RALGPS1: variants seen among roughly 807,000 people sequenced by gnomAD.
RALGPS1 encodes Ral GEF with PH domain and SH3 binding motif 1, also known as ras-specific guanine nucleotide-releasing factor RalGPS1.
RALGPS1 carries 19 observed loss-of-function variants against 78.8 expected under a neutral mutation model. The ratio of observed to expected loss-of-function variants is 0.24; its 90% CI spans 0.17 to 0.35. RALGPS1 has a LOEUF of 0.35. RALGPS1 is among the 10% of genes least tolerant of loss of function. The pLI, the probability that RALGPS1 is intolerant of heterozygous loss-of-function variation, is 1.00. For missense variants in RALGPS1, 454 were observed against 688.3 expected, an observed-to-expected ratio of 0.66 and a Z score of 3.81; for synonymous variants, 228 against 256.3, an observed-to-expected ratio of 0.89 and a Z score of 1.06.
intron 1 of RALGPS1, among the ~76,000 whole-genome samples, chr9:126,942,247 A>G (rs1252724365): frequency 3.3e-5 from 5 of 150,086 alleles, no homozygotes; most frequent in African/African-American, 9.8e-5. Context: ...ATGTAGCTAA[A>G]TCTACCAGTA....
At chr9:127,055,696 C>T (rs182530634) in intron 7 of RALGPS1, among the ~76,000 whole-genome samples, 1 of 152,326 alleles carries the variant, frequency 6.6e-6, no homozygotes, top group African/African-American at 2.4e-5. Flanking sequence ...GCTCCAGAAT[C>T]CATGCTCTTA....
rs1025171463 is a variant in RALGPS1, at chr9:127,212,396, C to T, written c.1353+160C>T. On this transcript the variant is annotated intron_variant, in intron 15 of 18. Transcript: ENST00000259351. This position sits in a 1 kb window ranked among gnomAD's most constrained non-coding sequence, Gnocchi z 6.0. ...TCTCAGGAATTATACCTGACACTGC[C>T]GTAAAATGAACAAAGGGAAGGCTCC... 2.6e-5 allele frequency among the ~76,000 whole-genome samples: 4 copies of T among 152,098 alleles called. No individual in the cohort carries two copies. Among genetic ancestry groups the T allele is most frequent in the African/African-American group, 9.7e-5 (4 of 41,390 alleles).
Position 127,091,817 on chromosome 9 carries a change from CAA to C in RALGPS1, c.610+22463_610+22464del, listed in dbSNP as rs1212246712. 1.9e-6 allele frequency: 3 copies of C among 1,614,188 alleles called. No homozygotes were observed. The highest frequency in any genetic ancestry group is 2.5e-6 in the Non-Finnish European group (3 of 1,180,028). On this transcript the variant is annotated intron_variant, in intron 8 of 18. Coordinates refer to ENST00000259351, the MANE Select transcript of RALGPS1 (RefSeq NM_014636.3). The surrounding 1 kb of genome is among the most constrained non-coding windows in gnomAD (Gnocchi z 4.3). The stretch of plus-strand genomic sequence containing the variant: ...TCCAGGCGGAAACTGGCGTATTCTG[CAA>C]AGACTTTGCGGCCGGACCAGTCCTC...
intron 10 of RALGPS1, among the ~76,000 whole-genome samples, chr9:127,171,399 C>T (rs2059559212): frequency 6.6e-6 from 1 of 151,974 alleles, no homozygotes; most frequent in Non-Finnish European, 1.5e-5. Flanking sequence ...AAAAATGCTG[C>T]TCTTTAAATA....
Position 127,220,601 on chromosome 9 carries a change from T to G in RALGPS1, c.*1832T>G, listed in dbSNP as rs1464784611. The G allele has an allele frequency of 6.6e-6, 1 of 152,254 alleles. No homozygotes were observed. Among genetic ancestry groups the G allele is most frequent in the African/African-American group, 2.4e-5 (1 of 41,470 alleles). The allele number at this position is 152,254 out of a possible 1,614,324, so 9.4% of individuals were successfully genotyped here. A position where few individuals can be genotyped will look rare whatever the true frequency, so the allele number is the denominator to read the frequency against. The stretch of plus-strand genomic sequence containing the variant: ...TTGCACCTCATTCTCCCGATGACTA[T>G]TCAAATCAGCATCTAGAGGCTGAAT... On this transcript the variant is annotated 3_prime_UTR_variant, in exon 19 of 19. Transcript: ENST00000259351.
chr9:126,949,404 G>A (rs2037594497), intron 1 of RALGPS1, among the ~76,000 whole-genome samples: 1 of 152,052 alleles, frequency 6.6e-6, no homozygotes, highest in Non-Finnish European at 1.5e-5. Context: ...TTCCACAATG[G>A]TTGAACTAGT....
chr9:127,193,817 G>A (rs1489221185), intron 11 of RALGPS1, among the ~76,000 whole-genome samples: 2 of 152,130 alleles, frequency 1.3e-5, no homozygotes, highest in African/African-American at 4.8e-5. Context: ...TTCTCTGCAG[G>A]AAGCAGCTGA....
intron 3 of RALGPS1, among the ~76,000 whole-genome samples, chr9:126,975,192 A>G: frequency 6.6e-6 from 1 of 152,194 alleles, no homozygotes; most frequent in East Asian, 1.9e-4. Flanking sequence ...CTGAAACCTC[A>G]TTATGTATTT....
At chr9:127,127,667 C>T (rs2056717920) in intron 8 of RALGPS1, among the ~76,000 whole-genome samples, 1 of 152,190 alleles carries the variant, frequency 6.6e-6, no homozygotes, top group Non-Finnish European at 1.5e-5. Context: ...ATGTGCTAGA[C>T]ATTGAGCTCA....
intron 1 of RALGPS1, among the ~76,000 whole-genome samples, chr9:126,924,132 T>G (rs891879545): frequency 2.0e-5 from 3 of 152,238 alleles, no homozygotes; most frequent in South Asian, 2.1e-4. Context: ...TCCCATGAAC[T>G]GGAACATGTC....
chr9:127,139,956 G>A (rs1358004662), intron 8 of RALGPS1, among the ~76,000 whole-genome samples: 9 of 152,280 alleles, frequency 5.9e-5, no homozygotes, highest in Non-Finnish European at 1.2e-4. Flanking sequence ...CATGCCAGCC[G>A]CCATCCGCTC....
At chr9:127,073,125 C>G (rs2050346382) in intron 8 of RALGPS1, among the ~76,000 whole-genome samples, 2 of 152,086 alleles carry the variant, frequency 1.3e-5, no homozygotes, top group Non-Finnish European at 2.9e-5. Context: ...TCAAAATACA[C>G]AATACAGTGT....
intron 8 of RALGPS1, among the ~76,000 whole-genome samples, chr9:127,156,427 C>T (rs749924127): frequency 3.3e-5 from 5 of 152,120 alleles, no homozygotes; most frequent in African/African-American, 7.2e-5. Flanking sequence ...TTTTTCCACA[C>T]GCTCATCAAC....
At position 126,938,579 on chromosome 9, in the gene RALGPS1, C is replaced by T. The variant is rs905850603; in HGVS notation, c.-66+23604C>T. Reference sequence around the variant, plus strand: ...AGTGAGGTGGGTGGAAGGGGGAGGGCGTACAAGGAAGGGTGGGTTGATGGC... The same window carrying T: ...AGTGAGGTGGGTGGAAGGGGGAGGGTGTACAAGGAAGGGTGGGTTGATGGC... On this transcript the variant is annotated intron_variant, in intron 1 of 18. Coordinates refer to ENST00000259351, the MANE Select transcript of RALGPS1 (RefSeq NM_014636.3). Among the ~76,000 whole-genome samples the T allele has an allele frequency of 2.6e-5, 4 of 151,806 alleles. No homozygotes were observed. In the East Asian group the frequency reaches 5.8e-4, roughly 22 times the overall value.
intron 11 of RALGPS1, among the ~76,000 whole-genome samples, chr9:127,187,931 C>T (rs2060758734): frequency 6.6e-6 from 1 of 152,130 alleles, no homozygotes; most frequent in Non-Finnish European, 1.5e-5. Context: ...GCTTTGGCTC[C>T]AGGTCTGCAA....
intron 8 of RALGPS1, among the ~76,000 whole-genome samples, chr9:127,100,400 C>T (rs899739158): frequency 1.3e-5 from 2 of 152,212 alleles, no homozygotes; most frequent in Non-Finnish European, 2.9e-5. Context: ...GACATTGCAG[C>T]ACTACTTTCC....
At chr9:127,033,221 C>T (rs966539286) in intron 4 of RALGPS1, among the ~76,000 whole-genome samples, 7 of 152,146 alleles carry the variant, frequency 4.6e-5, no homozygotes, top group African/African-American at 1.2e-4. Context: ...GGAGGTGTCT[C>T]GGCCTCTGGC....
chr9:127,098,658 G>T (rs188352020), intron 8 of RALGPS1, among the ~76,000 whole-genome samples: 1 of 152,206 alleles, frequency 6.6e-6, no homozygotes, highest in African/African-American at 2.4e-5. Context: ...GATCAGCTTT[G>T]GGTGCTTCCT....
chr9:126,956,656 T>C (rs1327287869), intron 1 of RALGPS1, among the ~76,000 whole-genome samples: 1 of 152,148 alleles, frequency 6.6e-6, no homozygotes, highest in Non-Finnish European at 1.5e-5. Context: ...CTATGCTCCC[T>C]GGGGAGCCTG....
Sources: allele counts gnomAD v4.1 joint callset (sites outside exome capture counted in the v4.1 genomes callset), GRCh38; gene constraint gnomAD v4.1.1; non-coding constraint Gnocchi (gnomAD v3.1); transcripts MANE v1.5; gene names NCBI Gene and HGNC (gene_info 2026-07-23, HGNC 2026-07-21).